Variants in PCDH15 observed in about 807,000 individuals in gnomAD.
The protein encoded by PCDH15 is protocadherin related 15.
In PCDH15, 129 loss-of-function variants were observed where a neutral mutation model predicts 178.5. The observed-to-expected ratio is 0.72, with a 90% CI of 0.63 to 0.84. The LOEUF (loss-of-function observed/expected upper bound fraction) is 0.84, where lower values mean the gene tolerates loss of function less well. PCDH15 is among the 40% of genes least tolerant of loss of function. The pLI is 0.00. For synonymous variants in PCDH15, 800 were observed against 732.0 expected (o/e 1.09, Z -1.50); for missense variants, 2,230 against 2,099.9 (o/e 1.06, Z -1.21).
chr10:54,408,566 T>C (rs1953014779), intron 3 of PCDH15, among the ~76,000 whole-genome samples: 1 of 152,196 alleles, frequency 6.6e-6, no homozygotes, highest in Admixed American at 6.5e-5. Context: ...ATGTGACAAG[T>C]GTAGCAGATG....
intron 2 of PCDH15, among the ~76,000 whole-genome samples, chr10:55,545,937 C>T (rs1349219158): frequency 6.6e-6 from 1 of 151,736 alleles, no homozygotes; most frequent in African/African-American, 2.4e-5. Flanking sequence ...TGCACTGGGA[C>T]ATATGAAAAG....
rs2076310945 is a variant in PCDH15, at chr10:53,822,125, T to A, written c.4368-1895A>T. The A allele has an allele frequency of 6.3e-7, 1 of 1,596,948 alleles. No homozygotes were observed. Among genetic ancestry groups the A allele is most frequent in the African/African-American group, 1.6e-5 (1 of 62,234 alleles). ...GAGGGTCTGTTTTACACACTGTCGT[T>A]GTTGATAGCTGTGTCATAGAGGACT... On this transcript the variant is annotated intron_variant, in intron 32 of 37. Transcript: ENST00000644397.
At chr10:54,482,867 C>G (rs1247190565) in intron 3 of PCDH15, among the ~76,000 whole-genome samples, 1 of 151,642 alleles carries the variant, frequency 6.6e-6, no homozygotes, top group African/African-American at 2.4e-5. Context: ...AGGAAGTGAT[C>G]CAGAGAATAG....
At position 55,106,306 on chromosome 10, in the gene PCDH15, G is replaced by C. The variant is rs144621989; in HGVS notation, c.-80+60270C>G. ...ACATATGAAGACCAAAGCACAGTAA[G>C]GGTTTCTGTTGTTAGACAAAATCAA... On this transcript the variant is annotated intron_variant, in intron 2 of 5. Transcript: ENST00000458638. Among the ~76,000 whole-genome samples, 588 of 152,248 alleles carry C rather than the reference G, an allele frequency of 3.9e-3. 4 individuals are homozygous for C. Among genetic ancestry groups the C allele is most frequent in the African/African-American group, 0.013 (538 of 41,560 alleles).
rs115931419 is a variant in PCDH15 at position 54,219,631 on chromosome 10, T to A, written c.986-5583A>T. On this transcript the variant is annotated intron_variant, in intron 9 of 37. Transcript: ENST00000644397. ...AAAAAAAAAAAGAGACTTAGGAGAA[T>A]TATCAATCCCAACGTGTGAACTTAC... 9.4e-3 allele frequency among the ~76,000 whole-genome samples: 1,344 copies of A among 142,922 alleles called. 18 individuals carry two copies. Among genetic ancestry groups the A allele is most frequent in the African/African-American group, 0.03 (1,158 of 38,954 alleles). 93.8% of individuals were successfully genotyped at this position (142,922 alleles called of 152,430 possible).
chr10:54,644,778 A>G (rs1247348732), intron 2 of PCDH15, among the ~76,000 whole-genome samples: 2 of 152,282 alleles, frequency 1.3e-5, no homozygotes, highest in East Asian at 3.9e-4. Context: ...ACATCAATGC[A>G]ACAACATTAA....
At chr10:54,602,369 T>C (rs1264762080) in intron 2 of PCDH15, among the ~76,000 whole-genome samples, 1 of 151,996 alleles carries the variant, frequency 6.6e-6, no homozygotes. Flanking sequence ...ATGTATTAAT[T>C]GTAGCATTTT....
intron 2 of PCDH15, among the ~76,000 whole-genome samples, chr10:54,913,308 C>T (rs1121348): frequency 0.54 from 82,625 of 151,942 alleles, 22,693 homozygotes; most frequent in South Asian, 0.66. Context: ...GGCAGCCTCA[C>T]GACATAGCAC....
At chr10:54,061,255 G>A (rs1472890005) in intron 18 of PCDH15, among the ~76,000 whole-genome samples, 1 of 152,100 alleles carries the variant, frequency 6.6e-6, no homozygotes, top group Non-Finnish European at 1.5e-5. Flanking sequence ...CATGCTTGTG[G>A]TCCACAGTCA....
chr10:54,158,985 G>A (rs1298857145), intron 13 of PCDH15, among the ~76,000 whole-genome samples: 1 of 151,822 alleles, frequency 6.6e-6, no homozygotes, highest in Non-Finnish European at 1.5e-5. Context: ...GCGAGCACAT[G>A]TAGTCCCAGT....
intron 8 of PCDH15, among the ~76,000 whole-genome samples, chr10:54,303,003 T>A (rs1217401698): frequency 6.6e-6 from 1 of 152,144 alleles, no homozygotes; most frequent in Non-Finnish European, 1.5e-5. Context: ...TTTACAAAAC[T>A]TAGCTCAATT....
chr10:55,252,541 G>A (rs1233647239), intron 1 of PCDH15, among the ~76,000 whole-genome samples: 1 of 151,868 alleles, frequency 6.6e-6, no homozygotes, highest in Non-Finnish European at 1.5e-5. Context: ...GAAATCCAAA[G>A]TTTTTTTCCT....
chr10:54,351,078 T>C (rs1429570079), intron 5 of PCDH15, among the ~76,000 whole-genome samples: 2 of 151,378 alleles, frequency 1.3e-5, no homozygotes, highest in East Asian at 1.9e-4. Flanking sequence ...CACTCCAGCC[T>C]GGGGCGAGAA....
At chr10:54,850,206 C>T (rs1171994138) in intron 3 of PCDH15, among the ~76,000 whole-genome samples, 8 of 152,038 alleles carry the variant, frequency 5.3e-5, no homozygotes, top group Non-Finnish European at 8.8e-5. Flanking sequence ...TTTCTTAGTT[C>T]TCTCAGCAGC....
At chr10:54,582,809 T>C (rs2091155963) in intron 2 of PCDH15, among the ~76,000 whole-genome samples, 2 of 152,040 alleles carry the variant, frequency 1.3e-5, no homozygotes, top group South Asian at 4.1e-4. Flanking sequence ...GAGGATCACA[T>C]GAGCCCAGAA....
chr10:54,693,934 A>G (rs1455936129), intron 1 of PCDH15, among the ~76,000 whole-genome samples: 1 of 152,048 alleles, frequency 6.6e-6, no homozygotes, highest in African/African-American at 2.4e-5. Flanking sequence ...TTTTTTTCTC[A>G]ACGAAGTATA....
chr10:53,840,379 C>G lies in PCDH15; in HGVS notation c.3924G>C (p.Leu1308Phe), dbSNP rs1370741401. Residue 1308 changes from leucine to phenylalanine, a missense_variant, in exon 29 of 38, where the codon TTG becomes TTC. Transcript: ENST00000644397. ...FSLEDYTKCD[L>F]TVYAIDPQTN... ...TTTGGGGGTCAATTGCATAGACAGTCAAGTCACATTTGGTGTAATCTTCTA... is the reference window on the plus strand; with the variant it reads ...TTTGGGGGTCAATTGCATAGACAGTGAAGTCACATTTGGTGTAATCTTCTA... The G allele has an allele frequency of 1.2e-6, 2 of 1,614,100 alleles. No individual in the cohort carries two copies. Among genetic ancestry groups the G allele is most frequent in the Non-Finnish European group, 1.7e-6 (2 of 1,180,018 alleles).
chr10:55,217,086 G>C (rs1376369774), intron 1 of PCDH15, among the ~76,000 whole-genome samples: 1 of 151,732 alleles, frequency 6.6e-6, no homozygotes, highest in Non-Finnish European at 1.5e-5. Context: ...GGTAGGGGGT[G>C]GGTTCCTGAA....
At chr10:54,134,617 G>A (rs1459882119) in intron 14 of PCDH15, among the ~76,000 whole-genome samples, 1 of 151,760 alleles carries the variant, frequency 6.6e-6, no homozygotes, top group Non-Finnish European at 1.5e-5. Flanking sequence ...GCTTGGCGTG[G>A]TTGCGGGCGC....
Sources: allele counts gnomAD v4.1 joint callset (sites outside exome capture counted in the v4.1 genomes callset), GRCh38; gene constraint gnomAD v4.1.1; transcripts MANE v1.5; gene names NCBI Gene and HGNC (gene_info 2026-07-23, HGNC 2026-07-21).